The following ZNF705G variants were observed in gnomAD, a reference collection of about 807,000 sequenced individuals.
ZNF705G encodes zinc finger protein 705G, also known as putative zinc finger protein 705G.
A neutral mutation model predicts 19.6 loss-of-function variants in ZNF705G; 23 were observed. The observed-to-expected ratio is 1.17, with a 90% CI of 0.84 to 1.66. The LOEUF (loss-of-function observed/expected upper bound fraction) is 1.66, where lower values mean the gene tolerates loss of function less well. Ranked by LOEUF, ZNF705G falls within the 40% of genes most tolerant of loss-of-function variation. The probability of loss-of-function intolerance (pLI) is 0.00; values close to 1 mark genes in which losing one functional copy is unlikely to be tolerated. For synonymous variants in ZNF705G, 146 were observed against 117.7 expected (o/e 1.24, Z -1.56); for missense variants, 457 against 354.4 (o/e 1.29, Z -2.32).
chr8:7,384,830 A>C (rs1807658850), intron 1 of ZNF705G, among the ~76,000 whole-genome samples: 1 of 145,998 alleles, frequency 6.8e-6, no homozygotes, highest in East Asian at 1.9e-4. Context: ...GTAAGAATGA[A>C]CATTCTTGAA....
In ZNF705G at chr8:7,369,619, T is replaced by A. The variant is rs1422406541; in HGVS notation, c.-71-6602A>T. 9.3e-5 allele frequency among the ~76,000 whole-genome samples: 14 copies of A among 149,816 alleles called. 1 individual carries two copies. The highest frequency in any genetic ancestry group is 3.3e-4 in the African/African-American group (13 of 39,194). On this transcript the variant is annotated intron_variant, in intron 2 of 6. Transcript: ENST00000400156. The stretch of plus-strand genomic sequence containing the variant: ...ACTCATATATTTATTATAGCATTAT[T>A]TGCAATAGCAAAGACATGGAATCAA...
chr8:7,383,693 G>C (rs1343040408), intron 1 of ZNF705G, among the ~76,000 whole-genome samples: 6 of 149,296 alleles, frequency 4.0e-5, no homozygotes, highest in African/African-American at 1.6e-4. Context: ...TGAAGCCCTT[G>C]TGATGGGATT....
chr8:7,358,636 C>T (rs1343169080), intron 6 of ZNF705G, 76 bp from the exon 7 acceptor site: 1 of 1,582,882 alleles, frequency 6.3e-7, no homozygotes, highest in Non-Finnish European at 8.6e-7. Context: ...CCTTTGAATC[C>T]TAGACCAACC....
intron 3 of ZNF705G, among the ~76,000 whole-genome samples, 175 bp from the exon 4 acceptor site, chr8:7,361,411 G>T (rs1416530349): frequency 6.7e-6 from 1 of 149,576 alleles, no homozygotes; most frequent in Admixed American, 6.6e-5. Context: ...CACTCACAGA[G>T]ATATACCCAC....
At chr8:7,361,659 T>G (rs1806604842) in intron 3 of ZNF705G, among the ~76,000 whole-genome samples, 1 of 149,692 alleles carries the variant, frequency 6.7e-6, no homozygotes, top group South Asian at 2.1e-4. Flanking sequence ...AATAAATTAT[T>G]TCTCCAGATG....
At chr8:7,370,967 A>G (rs1807074898) in intron 2 of ZNF705G, among the ~76,000 whole-genome samples, 2 of 128,230 alleles carry the variant, frequency 1.6e-5, no homozygotes, top group Admixed American at 8.2e-5. Flanking sequence ...CCACGAACAG[A>G]AAACCAAGCA....
At chr8:7,382,334 A>C (rs1184198923) in intron 1 of ZNF705G, among the ~76,000 whole-genome samples, 1 of 147,588 alleles carries the variant, frequency 6.8e-6, no homozygotes, top group Non-Finnish European at 1.5e-5. Flanking sequence ...TCCTATTCAA[A>C]TAGAAAGTCT....
chr8:7,377,914 A>C (rs1414487721), intron 2 of ZNF705G, among the ~76,000 whole-genome samples: 3 of 91,232 alleles, frequency 3.3e-5, no homozygotes, highest in African/African-American at 1.4e-4. Context: ...AGATCCCAAC[A>C]CTGCACTCCA....
chr8:7,359,324 C>A (rs1048256385), intron 6 of ZNF705G, among the ~76,000 whole-genome samples: 2 of 149,694 alleles, frequency 1.3e-5, no homozygotes, highest in African/African-American at 2.6e-5. Flanking sequence ...CAGATATGTT[C>A]TCTTCTGTAA....
At chr8:7,379,573 G>A (rs577089863) in intron 2 of ZNF705G, among the ~76,000 whole-genome samples, 2 of 147,134 alleles carry the variant, frequency 1.4e-5, no homozygotes, top group South Asian at 4.2e-4. Flanking sequence ...AAAGTGATGA[G>A]GAATCTCTGA....
chr8:7,369,027 G>T (rs1183500467), intron 2 of ZNF705G, among the ~76,000 whole-genome samples: 2 of 149,602 alleles, frequency 1.3e-5, no homozygotes, highest in Non-Finnish European at 2.9e-5. Context: ...AAGGCAAAAG[G>T]CATGTCTTAC....
chr8:7,361,417 C>A (rs1239417405), intron 3 of ZNF705G, among the ~76,000 whole-genome samples, 181 bp from the exon 4 acceptor site: 1 of 149,740 alleles, frequency 6.7e-6, no homozygotes, highest in Non-Finnish European at 1.5e-5. Context: ...CAGAGATATA[C>A]CCACTCTGAA....
rs1806312838 is a variant in ZNF705G at position 7,357,231 on chromosome 8, A to G, written c.*745T>C. ...AAGAAAGGATTTCTCATGATTTTTC[A>G]TTGCATAACTTCTCCAGTAAGAAGT... is the stretch of plus-strand genomic sequence containing the variant. On this transcript the variant is annotated 3_prime_UTR_variant, in exon 7 of 7. Transcript: ENST00000400156. 3.3e-5 allele frequency: 5 copies of G among 150,860 alleles called. No homozygotes were observed. The highest frequency in any genetic ancestry group is 3.3e-4 in the Admixed American group (5 of 15,278). The allele number at this position is 150,860 out of a possible 1,614,324, so 9.3% of individuals were successfully genotyped here.
intron 2 of ZNF705G, among the ~76,000 whole-genome samples, chr8:7,367,308 C>A (rs963302594): frequency 6.7e-6 from 1 of 149,270 alleles, no homozygotes; most frequent in African/African-American, 2.6e-5. Context: ...CATTTCCTCT[C>A]TAAAAATGAT....
intron 2 of ZNF705G, among the ~76,000 whole-genome samples, chr8:7,380,965 G>A (rs1314432928): frequency 9.6e-6 from 1 of 103,976 alleles, no homozygotes; most frequent in Non-Finnish European, 1.6e-5. Flanking sequence ...GCAGTGAGTT[G>A]AAATTGTGCC....
At chr8:7,385,205 A>T (rs1366148927) in intron 1 of ZNF705G, among the ~76,000 whole-genome samples, 22 of 148,246 alleles carry the variant, frequency 1.5e-4, no homozygotes, top group Non-Finnish European at 2.8e-4. Context: ...CAAGTGGGTA[A>T]AGGTCAGTGC....
At position 7,357,510 on chromosome 8, in the gene ZNF705G, A is replaced by C; in HGVS notation, c.*466T>G. 1 of 195,694 alleles carries C rather than the reference A, an allele frequency of 5.1e-6. No homozygotes were observed. The highest frequency in any genetic ancestry group is 5.2e-5 in the Admixed American group (1 of 19,060). The allele number at this position is 195,694 out of a possible 1,614,324, so 12.1% of individuals were successfully genotyped here. A position where few individuals can be genotyped will look rare whatever the true frequency, so the allele number is the denominator to read the frequency against. On this transcript the variant is annotated 3_prime_UTR_variant, in exon 7 of 7. Coordinates refer to ENST00000400156, the MANE Select transcript of ZNF705G (RefSeq NM_001164457.3). ...ATTTTCACACTGAATGCAGAGTTAG[A>C]GATTCTCTACCTGAAAGTCCCACAT...
rs764687277 is a variant in ZNF705G at position 7,360,237 on chromosome 8, T to C, written c.235A>G (p.Asn79Asp). ...GRVFLQDQNPNRESALKKTHM... is the reference protein window; with the variant it reads ...GRVFLQDQNPDRESALKKTHM... The stretch of plus-strand genomic sequence containing the variant: ...TAGAGCACAGGACCCTGTTGCTTAC[T>C]TGGATTCTGGTCTTGAAGAAATACT... Residue 79 changes from asparagine to aspartate, a missense_variant and splice_region_variant, in exon 5 of 7, where the codon AAC (asparagine) becomes GAC (aspartate). Coordinates refer to ENST00000400156, the MANE Select transcript of ZNF705G (RefSeq NM_001164457.3). 5.0e-6 allele frequency: 8 copies of C among 1,592,126 alleles called. No homozygotes were observed. The highest frequency in any genetic ancestry group is 3.3e-5 in the Admixed American group (2 of 59,910).
intron 2 of ZNF705G, among the ~76,000 whole-genome samples, chr8:7,369,529 G>C (rs1391777800): frequency 6.7e-6 from 1 of 149,542 alleles, no homozygotes; most frequent in Non-Finnish European, 1.5e-5. Context: ...GCCCTTGACA[G>C]CAGCCATGGG....
Sources: gnomAD v4.1 joint callset for allele counts (sites outside exome capture counted in the v4.1 genomes callset) on GRCh38, gnomAD v4.1.1 for gene constraint, MANE v1.5 for transcripts, NCBI Gene and HGNC (gene_info 2026-07-23, HGNC 2026-07-21) for gene names.